Variants in GPC5 observed in about 807,000 individuals in gnomAD.
The protein encoded by GPC5 is glypican-5.
A neutral mutation model predicts 53.9 loss-of-function variants in GPC5; 47 were observed. The ratio of observed to expected loss-of-function variants is 0.87; its 90% CI spans 0.69 to 1.11. The LOEUF is 1.11. Ranked by LOEUF, GPC5 falls within the 50% of genes most tolerant of loss-of-function variation. The pLI, the probability that GPC5 is intolerant of heterozygous loss-of-function variation, is 0.00. For synonymous variants in GPC5, 286 were observed against 263.3 expected (o/e 1.09, Z -0.84); for missense variants, 748 against 713.1 (o/e 1.05, Z -0.56).
intron 7 of GPC5, among the ~76,000 whole-genome samples, chr13:92,835,562 T>G (rs886511047): frequency 6.6e-6 from 1 of 152,050 alleles, no homozygotes; most frequent in Admixed American, 6.5e-5. Flanking sequence ...TATCATAATT[T>G]AAGAATTTCA....
intron 2 of GPC5, among the ~76,000 whole-genome samples, chr13:91,689,551 A>C (rs987155283): frequency 6.6e-6 from 1 of 151,352 alleles, no homozygotes; most frequent in Non-Finnish European, 1.5e-5. Context: ...TTAAAAGACA[A>C]ACTCATTGTA....
intron 7 of GPC5, among the ~76,000 whole-genome samples, chr13:92,210,264 T>C (rs936793251): frequency 6.6e-6 from 1 of 152,192 alleles, no homozygotes; most frequent in Non-Finnish European, 1.5e-5. Context: ...ATTTTTCTAG[T>C]ACCGTAAAGA....
intron 5 of GPC5, among the ~76,000 whole-genome samples, chr13:91,893,398 A>G (rs1426001346): frequency 6.6e-6 from 1 of 152,068 alleles, no homozygotes; most frequent in Non-Finnish European, 1.5e-5. Context: ...TTATCACTAT[A>G]TATTTTATAT....
chr13:92,782,339 G>T (rs991172282), intron 7 of GPC5, among the ~76,000 whole-genome samples: 1 of 152,106 alleles, frequency 6.6e-6, no homozygotes, highest in African/African-American at 2.4e-5. Context: ...CCCTTATGGG[G>T]CTTCTTTTTC....
intron 7 of GPC5, among the ~76,000 whole-genome samples, chr13:92,357,674 A>G (rs2043533403): frequency 6.6e-6 from 1 of 151,638 alleles, no homozygotes; most frequent in African/African-American, 2.4e-5. Flanking sequence ...GTCTAAGGAA[A>G]CTTAATATCA....
chr13:92,527,222 A>AGAAAG (rs1881368292), intron 7 of GPC5, among the ~76,000 whole-genome samples: 2 of 37,820 alleles, frequency 5.3e-5, no homozygotes, highest in Non-Finnish European at 8.4e-5. Flanking sequence ...AGAAAGAAAG[A>AGAAAG]AAGAAAGAAA....
chr13:92,361,614 G>A (rs1416324695), intron 7 of GPC5, among the ~76,000 whole-genome samples: 1 of 151,600 alleles, frequency 6.6e-6, no homozygotes, highest in Non-Finnish European at 1.5e-5. Flanking sequence ...TAGTGGGTGG[G>A]TTTGGAGGAT....
At chr13:92,403,851 G>T (rs765015677) in intron 7 of GPC5, among the ~76,000 whole-genome samples, 1 of 152,010 alleles carries the variant, frequency 6.6e-6, no homozygotes, top group Non-Finnish European at 1.5e-5. Flanking sequence ...ATCATAAAGG[G>T]ACTATTCATA....
chr13:91,408,707 T>C (rs1397177807), intron 1 of GPC5, among the ~76,000 whole-genome samples: 1 of 152,196 alleles, frequency 6.6e-6, no homozygotes, highest in African/African-American at 2.4e-5. Flanking sequence ...GTAAATATTG[T>C]TTCATAACTT....
At chr13:92,728,939 G>C (rs1010712535) in intron 7 of GPC5, among the ~76,000 whole-genome samples, 6 of 151,344 alleles carry the variant, frequency 4.0e-5, no homozygotes, top group Non-Finnish European at 7.4e-5. Context: ...CTAGGGCAAA[G>C]AGTCGATTTA....
chr13:92,718,523 G>A (rs1459819518), intron 7 of GPC5, among the ~76,000 whole-genome samples: 2 of 152,090 alleles, frequency 1.3e-5, no homozygotes, highest in Non-Finnish European at 2.9e-5. Flanking sequence ...TGGAGATAGG[G>A]AATAGAATGA....
chr13:92,489,537 C>T (rs1016216722), intron 7 of GPC5, among the ~76,000 whole-genome samples: 7 of 152,000 alleles, frequency 4.6e-5, no homozygotes, highest in African/African-American at 1.2e-4. Context: ...CAGGGTTACT[C>T]GAAAGGTGGT....
chr13:92,611,933 T>G (rs549120221), intron 7 of GPC5, among the ~76,000 whole-genome samples: 1 of 152,216 alleles, frequency 6.6e-6, no homozygotes, highest in South Asian at 2.1e-4. Context: ...GAATCAACCA[T>G]GAAAATTGCA....
At chr13:92,706,361 A>T (rs1887952451) in intron 7 of GPC5, among the ~76,000 whole-genome samples, 2 of 151,966 alleles carry the variant, frequency 1.3e-5, no homozygotes, top group Non-Finnish European at 1.5e-5. Context: ...TTATATCTAG[A>T]ATGCTATTAA....
intron 7 of GPC5, among the ~76,000 whole-genome samples, chr13:92,649,050 ATGT>A (rs1388178869): frequency 6.6e-6 from 1 of 152,124 alleles, no homozygotes; most frequent in Non-Finnish European, 1.5e-5. Context: ...CTTTTGCTGA[ATGT>A]TGTTGATATA....
At chr13:92,189,341 C>T (rs1167960310) in intron 7 of GPC5, among the ~76,000 whole-genome samples, 1 of 152,102 alleles carries the variant, frequency 6.6e-6, no homozygotes, top group East Asian at 1.9e-4. Flanking sequence ...CTAGCCAACT[C>T]TAGTCTCCCA....
chr13:92,528,260 G>A (rs1881434890), intron 7 of GPC5, among the ~76,000 whole-genome samples: 1 of 151,998 alleles, frequency 6.6e-6, no homozygotes, highest in Non-Finnish European at 1.5e-5. Context: ...AATTTTCCAG[G>A]AATTATTAAC....
intron 5 of GPC5, among the ~76,000 whole-genome samples, chr13:91,895,954 T>C (rs564499998): frequency 2.0e-5 from 3 of 152,190 alleles, no homozygotes; most frequent in African/African-American, 7.2e-5. Flanking sequence ...ATTCCTGGGC[T>C]TGTGGCAGCA....
chr13:92,622,965 A>T (rs1477549840), intron 7 of GPC5, among the ~76,000 whole-genome samples: 1 of 152,154 alleles, frequency 6.6e-6, no homozygotes, highest in Non-Finnish European at 1.5e-5. Flanking sequence ...AAGGAATGAA[A>T]TGTTCAGGCA....
Sources: allele counts gnomAD v4.1 joint callset (sites outside exome capture counted in the v4.1 genomes callset), GRCh38; gene constraint gnomAD v4.1.1; transcripts MANE v1.5; gene names NCBI Gene and HGNC (gene_info 2026-07-23, HGNC 2026-07-21).